SLAIN2: variants seen among roughly 807,000 people sequenced by gnomAD.
SLAIN2 encodes the protein SLAIN motif-containing protein 2.
SLAIN2 carries 31 observed loss-of-function variants against 56.6 expected under a neutral mutation model. That is an observed-to-expected ratio of 0.55 (90% CI 0.41 to 0.74). The LOEUF (loss-of-function observed/expected upper bound fraction) is 0.74, where lower values mean the gene tolerates loss of function less well. Among genes scored for constraint, SLAIN2 ranks in the 30% least tolerant of loss-of-function variants. The pLI, the probability that SLAIN2 is intolerant of heterozygous loss-of-function variation, is 0.00. For synonymous variants in SLAIN2, 317 were observed against 284.9 expected, an observed-to-expected ratio of 1.11 and a Z score of -1.13; for missense variants, 777 against 754.2, an observed-to-expected ratio of 1.03 and a Z score of -0.35.
chr4:48,375,449 TTTTC>T (rs1164888428), intron 2 of SLAIN2, among the ~76,000 whole-genome samples: 6 of 152,202 alleles, frequency 3.9e-5, no homozygotes, highest in Non-Finnish European at 7.3e-5. Flanking sequence ...AGCTGATTTC[TTTTC>T]TTTAACAATC....
intron 6 of SLAIN2, among the ~76,000 whole-genome samples, chr4:48,419,127 GA>G (rs1175154291): frequency 6.7e-6 from 1 of 149,054 alleles, no homozygotes; most frequent in African/African-American, 2.5e-5. Flanking sequence ...TTTTGAGACA[GA>G]GTCTCGCTCT....
rs1235804373 is a variant in SLAIN2, at chr4:48,382,866, A to G, written c.1161A>G (p.Gln387=). The G allele has an allele frequency of 1.2e-6, 2 of 1,613,616 alleles. No individual in the cohort carries two copies. Among genetic ancestry groups the G allele is most frequent in the South Asian group, 1.1e-5 (1 of 91,040 alleles). The change falls in exon 5 of 8, where the codon CAA becomes CAG. Residue 387 remains glutamine (Q), a synonymous_variant. Coordinates refer to ENST00000264313, the MANE Select transcript of SLAIN2 (RefSeq NM_020846.2). ...SPQPMISRLQ[Q]PRLSLQGHPT... ...AGCCTATGATTAGCCGCTTACAGCAACCTCGCCTTTCACTTCAAGGCCATC... is the reference window on the plus strand; with the variant it reads ...AGCCTATGATTAGCCGCTTACAGCAGCCTCGCCTTTCACTTCAAGGCCATC...
intron 6 of SLAIN2, among the ~76,000 whole-genome samples, chr4:48,416,673 C>CA (rs1577741092): frequency 6.6e-6 from 1 of 151,864 alleles, no homozygotes; most frequent in Non-Finnish European, 1.5e-5. Context: ...ACAGTGCAAT[C>CA]AAACTAGAAC....
rs1311688122 is a variant in SLAIN2, at chr4:48,382,816, A to G, written c.1111A>G (p.Ile371Val). 6.2e-7 allele frequency: 1 copy of G among 1,613,702 alleles called. No homozygotes were observed. The highest frequency in any genetic ancestry group is 8.5e-7 in the Non-Finnish European group (1 of 1,179,866). Residue 371 changes from isoleucine to valine, a missense_variant, in exon 5 of 8, where the codon ATA becomes GTA. Physicochemically the swap from Ile to Val is conservative, Grantham distance 29 (BLOSUM62 3). Coordinates refer to ENST00000264313, the MANE Select transcript of SLAIN2 (RefSeq NM_020846.2). ...SPRSRSPARG[I>V]EYSRVSPQPM... is the part of the protein sequence containing the mutation. ...TCGTTCACGATCTCCTGCTCGGGGAATAGAATATAGTAGAGTGTCCCCACA... is the reference window on the plus strand; with the variant it reads ...TCGTTCACGATCTCCTGCTCGGGGAGTAGAATATAGTAGAGTGTCCCCACA...
intron 6 of SLAIN2, among the ~76,000 whole-genome samples, chr4:48,388,002 A>G (rs142381499): frequency 6.6e-6 from 1 of 152,186 alleles, no homozygotes; most frequent in African/African-American, 2.4e-5. Flanking sequence ...TAAGTGGTAA[A>G]GCTTTGGTTC....
intron 6 of SLAIN2, among the ~76,000 whole-genome samples, chr4:48,410,942 A>G (rs1560465391): frequency 6.6e-6 from 1 of 152,218 alleles, no homozygotes; most frequent in Non-Finnish European, 1.5e-5. Flanking sequence ...GCCCTATAGC[A>G]GAAACAGTGA....
chr4:48,396,140 A>AT (rs1212001701), intron 6 of SLAIN2, among the ~76,000 whole-genome samples: 1 of 152,094 alleles, frequency 6.6e-6, no homozygotes, highest in Non-Finnish European at 1.5e-5. Context: ...GGGTTACATT[A>AT]TTTTTATCAC....
chr4:48,358,663 G>T (rs933159683), intron 1 of SLAIN2, among the ~76,000 whole-genome samples: 3 of 151,814 alleles, frequency 2.0e-5, no homozygotes, highest in Admixed American at 6.6e-5. Context: ...TAATGGTTTA[G>T]AATTATTAAA....
In SLAIN2 at chr4:48,422,547, A is replaced by G. The variant is rs1392637247; in HGVS notation, c.*470A>G. On this transcript the variant is annotated 3_prime_UTR_variant, in exon 8 of 8. Coordinates refer to ENST00000264313, the MANE Select transcript of SLAIN2 (RefSeq NM_020846.2). ...ATGAGAACTAATATTCTGACTAATTATCTAAAGTGTTTCACTAGTACACCA... is the reference window on the plus strand; with the variant it reads ...ATGAGAACTAATATTCTGACTAATTGTCTAAAGTGTTTCACTAGTACACCA... 6.5e-6 allele frequency: 1 copy of G among 152,840 alleles called. No individual in the cohort carries two copies. The highest frequency in any genetic ancestry group is 1.5e-5 in the Non-Finnish European group (1 of 68,494). The allele number at this position is 152,840 out of a possible 1,614,324, so 9.5% of individuals were successfully genotyped here.
At chr4:48,406,273 CTAGGAAACGTG>C (rs1716692027) in intron 6 of SLAIN2, among the ~76,000 whole-genome samples, 2 of 152,196 alleles carry the variant, frequency 1.3e-5, no homozygotes, top group South Asian at 2.1e-4. Flanking sequence ...GTTACTAGAG[CTAGGAAACGTG>C]TAGGTTTGTG....
chr4:48,341,676 G>T lies in SLAIN2; in HGVS notation c.-64G>T. The T allele has an allele frequency of 1.3e-6, 2 of 1,501,694 alleles. No homozygotes were observed. The highest frequency in any genetic ancestry group is 1.8e-6 in the Non-Finnish European group (2 of 1,125,102). The allele number at this position is 1,501,694 out of a possible 1,614,324, so 93.0% of individuals were successfully genotyped here. A position where few individuals can be genotyped will look rare whatever the true frequency, so the allele number is the denominator to read the frequency against. ...AGCGGCGGCGACGCCTCTTTCCTCCGTCTCTTTCCCTGTCGCTGCGAGAGC... is the reference window on the plus strand; with the variant it reads ...AGCGGCGGCGACGCCTCTTTCCTCCTTCTCTTTCCCTGTCGCTGCGAGAGC... On this transcript the variant is annotated 5_prime_UTR_variant, in exon 1 of 8. Transcript: ENST00000264313.
rs926589219 is a variant in SLAIN2 at position 48,407,182 on chromosome 4, AT to A, written c.1361-12935del. Among the ~76,000 whole-genome samples the A allele has an allele frequency of 9.9e-5, 15 of 151,410 alleles. No individual in the cohort carries two copies. In the East Asian group the frequency reaches 1.8e-3, roughly 18 times the overall value. The stretch of plus-strand genomic sequence containing the variant: ...AATATTTGTTGCCTTCTCTCGAATT[AT>A]TTTTTTTCTTCTAAAAGTTTGTTTT... On this transcript the variant is annotated intron_variant, in intron 6 of 7. Coordinates refer to ENST00000264313, the MANE Select transcript of SLAIN2 (RefSeq NM_020846.2).
intron 6 of SLAIN2, among the ~76,000 whole-genome samples, chr4:48,398,267 A>G (rs1326083204): frequency 2.0e-5 from 3 of 151,554 alleles, no homozygotes; most frequent in African/African-American, 4.9e-5. Flanking sequence ...GCTTTTTTTC[A>G]TGTTTGTTGG....
intron 6 of SLAIN2, among the ~76,000 whole-genome samples, chr4:48,386,522 C>T (rs1716105685): frequency 6.6e-6 from 1 of 152,154 alleles, no homozygotes. Context: ...AAAATTCTAA[C>T]GTTTAAAGCA....
chr4:48,415,341 GCT>G (rs1716969579), intron 6 of SLAIN2, among the ~76,000 whole-genome samples: 1 of 63,542 alleles, frequency 1.6e-5, no homozygotes, highest in Non-Finnish European at 3.6e-5. Context: ...GTGTTTTTTG[GCT>G]GCATAAATGT....
At chr4:48,342,541 A>G (rs1418228500) in intron 1 of SLAIN2, among the ~76,000 whole-genome samples, 2 of 151,846 alleles carry the variant, frequency 1.3e-5, no homozygotes, top group Non-Finnish European at 2.9e-5. Context: ...TTGATGAGGT[A>G]TCACCAGGTG....
chr4:48,390,162 C>A (rs553940044), intron 6 of SLAIN2, among the ~76,000 whole-genome samples: 1 of 151,128 alleles, frequency 6.6e-6, no homozygotes, highest in East Asian at 2.0e-4. Context: ...GCAACCTCCA[C>A]CTCCCAGGTT....
chr4:48,396,178 C>CA (rs1716381898), intron 6 of SLAIN2, among the ~76,000 whole-genome samples: 1 of 152,014 alleles, frequency 6.6e-6, no homozygotes, highest in Admixed American at 6.6e-5. Flanking sequence ...CCTATCCTCT[C>CA]TGATAAGATA....
intron 1 of SLAIN2, among the ~76,000 whole-genome samples, chr4:48,350,914 G>A (rs1577708115): frequency 6.6e-6 from 1 of 152,132 alleles, no homozygotes; most frequent in African/African-American, 2.4e-5. Flanking sequence ...GTAGTACCAC[G>A]GTATCAGATA....
Sources: allele counts gnomAD v4.1 joint callset (sites outside exome capture counted in the v4.1 genomes callset), GRCh38; gene constraint gnomAD v4.1.1; transcripts MANE v1.5; gene names NCBI Gene and HGNC (gene_info 2026-07-23, HGNC 2026-07-21).